MYO7A: variants seen among roughly 807,000 people sequenced by gnomAD.
MYO7A encodes the protein unconventional myosin-VIIa.
MYO7A carries 210 observed loss-of-function variants against 263.8 expected under a neutral mutation model. The ratio of observed to expected loss-of-function variants is 0.80; its 90% CI spans 0.71 to 0.89. The LOEUF is 0.89. MYO7A is among the 40% of genes least tolerant of loss of function. The probability of loss-of-function intolerance (pLI) is 0.00; values close to 1 mark genes in which losing one functional copy is unlikely to be tolerated. For missense variants in MYO7A, 2,820 were observed against 2,968.3 expected (o/e 0.95, Z 1.16); for synonymous variants, 1,239 against 1,197.3 (o/e 1.03, Z -0.72).
intron 1 of MYO7A, among the ~76,000 whole-genome samples, chr11:77,128,727 T>A (rs376630331): frequency 5.9e-5 from 9 of 152,300 alleles, no homozygotes; most frequent in African/African-American, 1.7e-4. Context: ...GTCCATCGAA[T>A]CTTCTCTGAG....
intron 11 of MYO7A, 49 bp from the exon 12 acceptor site, chr11:77,160,924 C>T (rs1555068101): frequency 1.3e-6 from 2 of 1,572,098 alleles, no homozygotes; most frequent in Admixed American, 1.9e-5. Flanking sequence ...CTGGCCTGTC[C>T]CCCGGGGGAG....
Position 77,181,360 on chromosome 11 carries a change from G to A in MYO7A, c.2695-20G>A. 2 of 1,545,940 alleles carry A rather than the reference G, an allele frequency of 1.3e-6. No homozygotes were observed. The highest frequency in any genetic ancestry group is 8.7e-7 in the Non-Finnish European group (1 of 1,147,224). On this transcript the variant is annotated intron_variant, in intron 22 of 48. Transcript: ENST00000409709. Reference sequence around the variant, plus strand: ...ACCGGGGGCTGACCCCGTGTCTTCTGTGTCACCCCAATTGCCCAGGAGCGC... The same window carrying A: ...ACCGGGGGCTGACCCCGTGTCTTCTATGTCACCCCAATTGCCCAGGAGCGC...
At chr11:77,162,792 G>A (rs1953121145) in intron 13 of MYO7A, 61 bp from the exon 14 acceptor site, 14 of 1,581,134 alleles carry the variant, frequency 8.9e-6, no homozygotes, top group Middle Eastern at 1.7e-4. Flanking sequence ...GACATGGGCA[G>A]GGAGGGGAGT....
chr11:77,182,254 C>T (rs1485232351), intron 24 of MYO7A, 100 bp downstream of exon 24: 13 of 1,498,892 alleles, frequency 8.7e-6, no homozygotes, highest in African/African-American at 2.8e-5. Flanking sequence ...GGTGGTGGGT[C>T]CCTGGGGGCC....
chr11:77,211,316 C>T lies in MYO7A; in HGVS notation c.6216C>T (p.Val2072=), dbSNP rs1310187658. The part of the protein sequence containing the change: ...ELVPQDLIRQ[V]SPDDWKRSIV... ...TGCCCCAGGACCTTATCCGGCAGGT[C>T]TCACCTGATGACTGGAAGCGGGTGA... is the stretch of plus-strand genomic sequence containing the variant. Residue 2072 remains valine, a synonymous_variant, in exon 45 of 49, where the codon GTC becomes GTT. Transcript: ENST00000409709. The T allele has an allele frequency of 3.8e-6, 6 of 1,583,270 alleles. No individual in the cohort carries two copies. The highest frequency in any genetic ancestry group is 3.5e-5 in the South Asian group (3 of 86,214).
intron 3 of MYO7A, among the ~76,000 whole-genome samples, chr11:77,147,219 C>T (rs782667827): frequency 1.5e-4 from 23 of 151,508 alleles, no homozygotes; most frequent in Non-Finnish European, 2.8e-4. Context: ...GAGCCCTCTG[C>T]CCCCCTCCCC....
chr11:77,214,075 T>G, intron 48 of MYO7A, 96 bp downstream of exon 48: 1 of 1,550,608 alleles, frequency 6.4e-7, no homozygotes, highest in Non-Finnish European at 8.8e-7. Flanking sequence ...AGTGTGCGGC[T>G]GGGCCTGGGG....
chr11:77,172,126 C>T (rs1358110507), intron 15 of MYO7A, among the ~76,000 whole-genome samples: 4 of 152,212 alleles, frequency 2.6e-5, no homozygotes, highest in Non-Finnish European at 4.4e-5. Flanking sequence ...CGCGCTTGCC[C>T]ACAGGTTTCC....
chr11:77,183,454 C>A (rs111741701), intron 26 of MYO7A, among the ~76,000 whole-genome samples: 19 of 152,356 alleles, frequency 1.2e-4, no homozygotes, highest in African/African-American at 4.3e-4. Flanking sequence ...ACACTTCTAG[C>A]CGGGCACAGA....
At position 77,205,637 on chromosome 11, in the gene MYO7A, C is replaced by A; in HGVS notation, c.5636+20C>A. 1 of 1,612,496 alleles carries A rather than the reference C, an allele frequency of 6.2e-7. No individual in the cohort carries two copies. Among genetic ancestry groups the A allele is most frequent in the African/African-American group, 1.3e-5 (1 of 75,042 alleles). Reference sequence around the variant, plus strand: ...CCTGAGGTACAGCGGCCACCAGGGGCAGGGACAGACACTGGGGCGGGCTCC... The same window carrying A: ...CCTGAGGTACAGCGGCCACCAGGGGAAGGGACAGACACTGGGGCGGGCTCC... On this transcript the variant is annotated intron_variant, in intron 40 of 48. Coordinates refer to ENST00000409709, the MANE Select transcript of MYO7A (RefSeq NM_000260.4).
At chr11:77,202,584 C>T (rs370338869) in intron 37 of MYO7A, among the ~76,000 whole-genome samples, 160 bp downstream of exon 37, 1 of 152,080 alleles carries the variant, frequency 6.6e-6, no homozygotes, top group African/African-American at 2.4e-5. Context: ...CAGGATGACC[C>T]GTCCTATGTG....
At position 77,155,903 on chromosome 11, in the gene MYO7A, G is replaced by A. The variant is rs782708856; in HGVS notation, c.286-4G>A. 19 of 1,585,480 alleles carry A rather than the reference G, an allele frequency of 1.2e-5. 1 individual carries two copies. The highest frequency in any genetic ancestry group is 5.2e-5 in the Admixed American group (3 of 57,608). ...GCGAGCTCCCCATCTCTTGCTGCCC[G>A]CAGACGTATACGGGCTCCATCCTGG... is the stretch of plus-strand genomic sequence containing the variant. On this transcript the variant is annotated splice_polypyrimidine_tract_variant and splice_region_variant and intron_variant, in intron 4 of 48. Transcript: ENST00000409709.
Position 77,194,436 on chromosome 11 carries a change from T to A in MYO7A, c.4235T>A (p.Leu1412His), listed in dbSNP as rs763061046. Reference sequence around the variant, plus strand: ...ATGATCCTGGAGCGCCTCCTGAACCTCGTGCCCACCTACATCCCCGACCGC... The same window carrying A: ...ATGATCCTGGAGCGCCTCCTGAACCACGTGCCCACCTACATCCCCGACCGC... ...SEMILERLLNLVPTYIPDREI... is the reference protein window; with the variant it reads ...SEMILERLLNHVPTYIPDREI... The change falls in exon 32 of 49, where the codon CTC (leucine) becomes CAC (histidine). Residue 1412 changes from leucine (L) to histidine (H), a missense_variant. Physicochemically the swap from Leu to His is moderately conservative, Grantham distance 99. Transcript: ENST00000409709. The A allele has an allele frequency of 6.2e-7, 1 of 1,611,892 alleles. No individual in the cohort carries two copies. Among genetic ancestry groups the A allele is most frequent in the Non-Finnish European group, 8.5e-7 (1 of 1,179,072 alleles).
At chr11:77,131,965 G>T (rs1950778434) in intron 2 of MYO7A, among the ~76,000 whole-genome samples, 1 of 152,152 alleles carries the variant, frequency 6.6e-6, no homozygotes, top group Admixed American at 6.5e-5. Context: ...CTGAGCCTCA[G>T]TTTCCTCATA....
At position 77,197,540 on chromosome 11, in the gene MYO7A, T is replaced by C. The variant is rs566394641; in HGVS notation, c.4383T>C (p.Tyr1461=). 21 of 1,608,746 alleles carry C rather than the reference T, an allele frequency of 1.3e-5. No homozygotes were observed. Among genetic ancestry groups the C allele is most frequent in the Non-Finnish European group, 1.5e-5 (18 of 1,177,516 alleles). Residue 1461 remains tyrosine (Y), a synonymous_variant, in exon 33 of 49, where the codon TAT becomes TAC. Coordinates refer to ENST00000409709, the MANE Select transcript of MYO7A (RefSeq NM_000260.4). ...AGGTCAAAGAGGATGTGGTCAGTTATGCCCGCTTCAAGTGGCCCTTGCTCT... is the reference window on the plus strand; with the variant it reads ...AGGTCAAAGAGGATGTGGTCAGTTACGCCCGCTTCAAGTGGCCCTTGCTCT... ...AQKVKEDVVS[Y]ARFKWPLLFS... is the part of the protein sequence containing the mutation.
intron 34 of MYO7A, among the ~76,000 whole-genome samples, 194 bp downstream of exon 34, chr11:77,198,815 T>G (rs1956867552): frequency 6.6e-6 from 1 of 152,164 alleles, no homozygotes; most frequent in African/African-American, 2.4e-5. Context: ...TACAGCACAT[T>G]AAGGCTGTTC....
intron 16 of MYO7A, 96 bp downstream of exon 16, chr11:77,172,981 A>G (rs1167535154): frequency 2.4e-5 from 35 of 1,444,156 alleles, no homozygotes; most frequent in Non-Finnish European, 3.0e-5. Flanking sequence ...AGGATGTGAG[A>G]CTTTGTCCCT....
At position 77,160,845 on chromosome 11, in the gene MYO7A, G is replaced by C. The variant is rs1045130211; in HGVS notation, c.1201-128G>C. ...GGCAGAGGGAACAGCTCAAGTAAAG[G>C]GTTGGGGGTTTCACACGGCACTTTG... On this transcript the variant is annotated intron_variant, in intron 11 of 48. Coordinates refer to ENST00000409709, the MANE Select transcript of MYO7A (RefSeq NM_000260.4). The C allele has an allele frequency of 5.8e-6, 6 of 1,040,756 alleles. No individual in the cohort carries two copies. In the African/African-American group the frequency reaches 9.6e-5, roughly 17 times the overall value. The allele number at this position is 1,040,756 out of a possible 1,614,324, so 64.5% of individuals were successfully genotyped here.
chr11:77,198,194 G>A (rs553786356), intron 33 of MYO7A, among the ~76,000 whole-genome samples: 18 of 152,316 alleles, frequency 1.2e-4, no homozygotes, highest in Non-Finnish European at 2.6e-4. Flanking sequence ...GGGCCGGAGG[G>A]AACCCTGGGC....
Sources: allele counts gnomAD v4.1 joint callset (sites outside exome capture counted in the v4.1 genomes callset), GRCh38; gene constraint gnomAD v4.1.1; transcripts MANE v1.5; gene names NCBI Gene and HGNC (gene_info 2026-07-23, HGNC 2026-07-21).